The following NR4A3 variants were observed in gnomAD, a reference collection of about 807,000 sequenced individuals.
NR4A3 encodes the protein chondrosarcoma, extraskeletal myxoid, fused to EWS.
NR4A3 carries 13 observed loss-of-function variants against 55.6 expected under a neutral mutation model. That is an observed-to-expected ratio of 0.23 (90% confidence interval 0.15 to 0.37). The LOEUF (loss-of-function observed/expected upper bound fraction) is 0.37. NR4A3 is among the 10% of genes least tolerant of loss of function. The pLI is 1.00. For synonymous variants in NR4A3, 342 were observed against 357.9 expected (o/e 0.96, Z 0.50); for missense variants, 646 against 822.8 (o/e 0.79, Z 2.63).
In NR4A3 at chr9:99,863,850, G is replaced by A. The variant is rs1417669367; in HGVS notation, c.1864G>A (p.Asp622Asn). Residue 622 changes from aspartate (D) to asparagine (N), a missense_variant, in exon 8 of 8, where the codon GAC becomes AAC. Physicochemically the swap from Asp to Asn is conservative, Grantham distance 23. This residue lies in a region of NR4A3 where 12 missense variants were observed against 21.9 expected (regional missense o/e 0.55). Transcript: ENST00000395097. ...TTCCATCATTGACAAGCTCTTCCTG[G>A]ACACCCTACCTTTCTAATCAGGAGC... is the stretch of plus-strand genomic sequence containing the variant. The part of the protein sequence containing the change: ...PPSIIDKLFL[D>N]TLPF 6.2e-7 allele frequency: 1 copy of A among 1,613,392 alleles called. No homozygotes were observed. Among genetic ancestry groups the A allele is most frequent in the Non-Finnish European group, 8.5e-7 (1 of 1,179,620 alleles).
In NR4A3 at chr9:99,862,549, C is replaced by CAAAAAAAAAAAAAAAA. The variant is rs59274273; in HGVS notation, c.1634-1052_1634-1037dup. On this transcript the variant is annotated intron_variant, in intron 7 of 7. Transcript: ENST00000395097. Reference sequence around the variant, plus strand: ...TAGGCAACAGAGTAAGACTCTGTCTCAAAAAAAAAAAAAAAAAAAAAAAAA... The same window carrying CAAAAAAAAAAAAAAAA: ...TAGGCAACAGAGTAAGACTCTGTCTCAAAAAAAAAAAAAAAAAAAAAAAAAAAAAAAAAAAAAAAAA... Among the ~76,000 whole-genome samples, 73 of 72,814 alleles carry CAAAAAAAAAAAAAAAA rather than the reference C, an allele frequency of 1.0e-3. 3 individuals carry two copies. Among genetic ancestry groups the CAAAAAAAAAAAAAAAA allele is most frequent in the Admixed American group, 1.1e-3 (6 of 5,468 alleles). The allele number at this position is 72,814 out of a possible 152,430, so 47.8% of individuals were successfully genotyped here.
At position 99,835,075 on chromosome 9, in the gene NR4A3, G is replaced by A. The variant is rs550914361; in HGVS notation, c.1254+1621G>A. 3 of 215,324 alleles carry A rather than the reference G, an allele frequency of 1.4e-5. No homozygotes were observed. The South Asian group carries it at 4.9e-4, about 36-fold the overall frequency. 13.3% of individuals were successfully genotyped at this position (215,324 alleles called of 1,614,324 possible). ...TTCTCCTCTGTGTTGTGGGGTAATA[G>A]TAATATCTACTTCCTGGGGTTGTTC... is the stretch of plus-strand genomic sequence containing the variant. On this transcript the variant is annotated intron_variant, in intron 5 of 7. Transcript: ENST00000395097.
chr9:99,827,654 G>C (rs1232835258), intron 2 of NR4A3, among the ~76,000 whole-genome samples: 1 of 152,128 alleles, frequency 6.6e-6, no homozygotes, highest in Non-Finnish European at 1.5e-5. Context: ...TAAACCACTG[G>C]CTTTCTCTTT....
chr9:99,853,394 T>G (rs1587886554), intron 7 of NR4A3, among the ~76,000 whole-genome samples: 1 of 127,218 alleles, frequency 7.9e-6, no homozygotes, highest in Non-Finnish European at 1.7e-5. Context: ...TAGTTACATA[T>G]GTATACATGT....
chr9:99,826,811 A>C, intron 2 of NR4A3: 1 of 1,610,800 alleles, frequency 6.2e-7, no homozygotes, highest in Non-Finnish European at 8.5e-7. Context: ...GGTAAGAGAA[A>C]GATGTCAAAG....
At chr9:99,841,453 T>A (rs1241187077) in intron 5 of NR4A3, among the ~76,000 whole-genome samples, 2 of 152,084 alleles carry the variant, frequency 1.3e-5, no homozygotes, top group Non-Finnish European at 2.9e-5. Flanking sequence ...GGGCTGAAAA[T>A]CAAAAACTTT....
chr9:99,858,796 G>T (rs1176831024), intron 7 of NR4A3, among the ~76,000 whole-genome samples: 2 of 152,190 alleles, frequency 1.3e-5, no homozygotes, highest in Non-Finnish European at 2.9e-5. Context: ...TCTTTGTCCT[G>T]CCTAATTCAC....
chr9:99,835,222 A>G (rs925758819), intron 5 of NR4A3, among the ~76,000 whole-genome samples: 1 of 152,218 alleles, frequency 6.6e-6, no homozygotes, highest in African/African-American at 2.4e-5. Context: ...TGAACACTAC[A>G]TTAGGTATCA....
chr9:99,849,705 C>G (rs983924232), intron 7 of NR4A3, among the ~76,000 whole-genome samples: 5 of 152,170 alleles, frequency 3.3e-5, no homozygotes, highest in Admixed American at 2.0e-4. Flanking sequence ...CAAGTAAAAG[C>G]AGTACATTGC....
At chr9:99,839,461 G>A (rs1275952153) in intron 5 of NR4A3, among the ~76,000 whole-genome samples, 1 of 152,226 alleles carries the variant, frequency 6.6e-6, no homozygotes, top group African/African-American at 2.4e-5. Context: ...TTTTTGAGGG[G>A]TGGTGTTTTC....
intron 5 of NR4A3, 120 bp downstream of exon 5, chr9:99,833,574 T>G: frequency 6.2e-7 from 1 of 1,607,400 alleles, no homozygotes; most frequent in Non-Finnish European, 8.5e-7. Context: ...TTTTCATACT[T>G]TTTCTATATT....
intron 2 of NR4A3, among the ~76,000 whole-genome samples, chr9:99,827,033 A>G (rs1827308546): frequency 6.6e-6 from 1 of 152,224 alleles, no homozygotes; most frequent in South Asian, 2.1e-4. Context: ...CACTCAGTTC[A>G]GCCTCTCTGA....
intron 7 of NR4A3, among the ~76,000 whole-genome samples, 162 bp from the exon 8 acceptor site, chr9:99,863,457 CT>C (rs1397741894): frequency 6.6e-6 from 1 of 152,170 alleles, no homozygotes; most frequent in African/African-American, 2.4e-5. Flanking sequence ...CTTGGTGTTG[CT>C]TCATACCAAA....
intron 7 of NR4A3, among the ~76,000 whole-genome samples, chr9:99,856,733 G>T (rs1196542405): frequency 1.3e-5 from 2 of 152,196 alleles, no homozygotes; most frequent in African/African-American, 4.8e-5. Context: ...AGCTTCTCCA[G>T]CATTCACATC....
intron 5 of NR4A3, among the ~76,000 whole-genome samples, chr9:99,840,768 A>G (rs1299751046): frequency 1.3e-5 from 2 of 151,788 alleles, no homozygotes; most frequent in East Asian, 3.9e-4. Flanking sequence ...CTTTACTCCC[A>G]CTCATTTGGG....
rs1252621473 is a variant in NR4A3 at position 99,864,214 on chromosome 9, T to C, written c.*347T>C. The C allele has an allele frequency of 3.7e-6, 1 of 267,760 alleles. No individual in the cohort carries two copies. Among genetic ancestry groups the C allele is most frequent in the African/African-American group, 2.2e-5 (1 of 46,176 alleles). 16.6% of individuals were successfully genotyped at this position (267,760 alleles called of 1,614,324 possible). ...GATAATATAACTGTTTTAAAACTCT[T>C]TCTGGGGAATCCAATTATAGTTGCT... On this transcript the variant is annotated 3_prime_UTR_variant, in exon 8 of 8. Coordinates refer to ENST00000395097, the MANE Select transcript of NR4A3 (RefSeq NM_006981.4).
chr9:99,843,271 T>C (rs547030686), intron 5 of NR4A3, among the ~76,000 whole-genome samples: 1 of 152,364 alleles, frequency 6.6e-6, no homozygotes, highest in African/African-American at 2.4e-5. Context: ...ACTTGAAATA[T>C]GGCTAACATG....
chr9:99,828,769 T>G lies in NR4A3; in HGVS notation c.727T>G (p.Tyr243Asp). 7.0e-7 allele frequency: 1 copy of G among 1,430,552 alleles called. No individual in the cohort carries two copies. 88.6% of individuals were successfully genotyped at this position (1,430,552 alleles called of 1,614,324 possible). Residue 243 changes from tyrosine (Y) to aspartate (D), a missense_variant, in exon 3 of 8, where the codon TAC (tyrosine) becomes GAC (aspartate). Tyr to Asp is a radical substitution (Grantham distance 160). This residue lies in a region of NR4A3 where 426 missense variants were observed against 429.4 expected (regional missense o/e 0.99). Transcript: ENST00000395097. This position sits in a 1 kb window ranked among gnomAD's most constrained non-coding sequence, Gnocchi z 7.7. ...GGCCGCCGCGCTTGAGAGCCACCCGTACGGGCTGCCGCTGGCCAAGAGGGC... is the reference window on the plus strand; with the variant it reads ...GGCCGCCGCGCTTGAGAGCCACCCGGACGGGCTGCCGCTGGCCAAGAGGGC... ...SQAAALESHP[Y>D]GLPLAKRAAP...
intron 5 of NR4A3, chr9:99,833,800 T>C (rs1455310277): frequency 1.5e-6 from 2 of 1,314,348 alleles, no homozygotes; most frequent in African/African-American, 1.5e-5. Flanking sequence ...CTGTTTTTTT[T>C]CATATTGTGT....
Sources: allele counts gnomAD v4.1 joint callset (sites outside exome capture counted in the v4.1 genomes callset), GRCh38; gene constraint gnomAD v4.1.1; regional missense constraint gnomAD v4.1.1; non-coding constraint Gnocchi (gnomAD v3.1); transcripts MANE v1.5; gene names NCBI Gene and HGNC (gene_info 2026-07-23, HGNC 2026-07-21).